The following LIX1L variants were observed in gnomAD, a reference collection of about 807,000 sequenced individuals.
LIX1L encodes the protein LIX1-like protein.
A neutral mutation model predicts 34.0 loss-of-function variants in LIX1L; 20 were observed. The observed-to-expected ratio is 0.59, with a 90% CI of 0.41 to 0.85. The LOEUF (loss-of-function observed/expected upper bound fraction) is 0.85, where lower values mean the gene tolerates loss of function less well. Among genes scored for constraint, LIX1L ranks in the 40% least tolerant of loss-of-function variants. The pLI, the probability that LIX1L is intolerant of heterozygous loss-of-function variation, is 0.00. For synonymous variants in LIX1L, 170 were observed against 187.4 expected (o/e 0.91, Z 0.76); for missense variants, 397 against 447.0 (o/e 0.89, Z 1.01).
chr1:145,947,342 G>A (rs587595384), intron 2 of LIX1L: 10 of 362,084 alleles, frequency 2.8e-5, no homozygotes, highest in East Asian at 1.3e-4. Context: ...AAGCCAGATT[G>A]GAACATGGGT....
chr1:145,944,956 A>C (rs1649047250), intron 2 of LIX1L, among the ~76,000 whole-genome samples: 1 of 151,898 alleles, frequency 6.6e-6, no homozygotes, highest in Non-Finnish European at 1.5e-5. Context: ...TGAGCCCATG[A>C]AGTTAAGGCT....
chr1:145,957,958 C>A lies in LIX1L; in HGVS notation c.-31G>T, dbSNP rs782800529. ...CCGCCAATGGAGTAGCGCCCCGGAG[C>A]CTGCCAGCCTGCCGAGCTAACGGTC... On this transcript the variant is annotated 5_prime_UTR_variant, in exon 1 of 6. Coordinates refer to ENST00000604000, the MANE Select transcript of LIX1L (RefSeq NM_153713.3). The A allele has an allele frequency of 5.0e-6, 7 of 1,387,914 alleles. No individual in the cohort carries two copies. In the Admixed American group the frequency reaches 1.2e-4, roughly 25 times the overall value. 86.0% of individuals were successfully genotyped at this position (1,387,914 alleles called of 1,614,324 possible).
Position 145,942,777 on chromosome 1 carries a change from G to A in LIX1L, c.533C>T (p.Pro178Leu). ...GAACTCATCAGTGATTCTTCGGGAA[G>A]GATGTTCATTAAACACAGAATTCAT... is the stretch of plus-strand genomic sequence containing the variant. ...ALMNSVFNEH[P>L]SRRITDEFIE... Residue 178 changes from proline to leucine, a missense_variant, in exon 3 of 6, where the codon CCT (proline) becomes CTT (leucine). Physicochemically the swap from Pro to Leu is moderately conservative, Grantham distance 98. Around this residue, in one of 3 missense-constraint regions of LIX1L, gnomAD observed 174 missense variants for 204.0 expected, o/e 0.85. Coordinates refer to ENST00000604000, the MANE Select transcript of LIX1L (RefSeq NM_153713.3). 2 of 1,614,124 alleles carry A rather than the reference G, an allele frequency of 1.2e-6. No individual in the cohort carries two copies. Among genetic ancestry groups the A allele is most frequent in the Non-Finnish European group, 8.5e-7 (1 of 1,179,954 alleles).
intron 1 of LIX1L, among the ~76,000 whole-genome samples, chr1:145,955,454 G>A (rs1050294256): frequency 3.9e-5 from 6 of 152,226 alleles, no homozygotes; most frequent in Admixed American, 2.0e-4. Context: ...AGATGATGTG[G>A]TAAAGCATTG....
chr1:145,944,076 G>T (rs914095471), intron 2 of LIX1L, among the ~76,000 whole-genome samples: 26 of 151,946 alleles, frequency 1.7e-4, no homozygotes, highest in African/African-American at 6.3e-4. Flanking sequence ...TAGACCAGGG[G>T]TTGGGCATGG....
rs1321651989 is a variant in LIX1L at position 145,934,486 on chromosome 1, G to T, written c.*1824C>A. Reference sequence around the variant, plus strand: ...CTACTAAGGAGGCTGAGGCAGGAGAGTGGCGTGAACCCGGGAGGCGGAGCT... The same window carrying T: ...CTACTAAGGAGGCTGAGGCAGGAGATTGGCGTGAACCCGGGAGGCGGAGCT... On this transcript the variant is annotated 3_prime_UTR_variant, in exon 6 of 6. Coordinates refer to ENST00000604000, the MANE Select transcript of LIX1L (RefSeq NM_153713.3). 6.6e-6 allele frequency: 1 copy of T among 150,854 alleles called. No individual in the cohort carries two copies. Among genetic ancestry groups the T allele is most frequent in the African/African-American group, 2.4e-5 (1 of 40,984 alleles). The allele number at this position is 150,854 out of a possible 1,614,324, so 9.3% of individuals were successfully genotyped here.
chr1:145,957,996 G>C lies in LIX1L; in HGVS notation c.-69C>G. ...CGAGCTAACGGTCCCAACCACCCCA[G>C]TCAGCTAGCGCCTGGGGACTCAGGG... On this transcript the variant is annotated 5_prime_UTR_variant, in exon 1 of 6. Coordinates refer to ENST00000604000, the MANE Select transcript of LIX1L (RefSeq NM_153713.3). 1.8e-6 allele frequency: 2 copies of C among 1,130,684 alleles called. No individual in the cohort carries two copies. Among genetic ancestry groups the C allele is most frequent in the East Asian group, 3.2e-5 (1 of 30,914 alleles). 70.0% of individuals were successfully genotyped at this position (1,130,684 alleles called of 1,614,324 possible).
intron 1 of LIX1L, among the ~76,000 whole-genome samples, chr1:145,956,060 T>TA (rs1217020357): frequency 1.3e-5 from 2 of 152,218 alleles, no homozygotes; most frequent in Admixed American, 1.3e-4. Context: ...GATCTTGACT[T>TA]AGAGACTTGA....
At chr1:145,938,137 C>A (rs587767658) in intron 3 of LIX1L, among the ~76,000 whole-genome samples, 8 of 150,040 alleles carry the variant, frequency 5.3e-5, no homozygotes, top group South Asian at 4.2e-4. Flanking sequence ...AAAAAAAAAA[C>A]AAGTAAAATT....
At chr1:145,949,050 A>G (rs1649199825) in intron 1 of LIX1L, 1 of 152,208 alleles carries the variant, frequency 6.6e-6, no homozygotes, top group Admixed American at 6.5e-5. Context: ...CTTTGTCTCT[A>G]AATCTCAAAG....
At chr1:145,950,954 T>C (rs1649278208) in intron 1 of LIX1L, among the ~76,000 whole-genome samples, 1 of 152,252 alleles carries the variant, frequency 6.6e-6, no homozygotes, top group Admixed American at 6.5e-5. Context: ...GGCTGTCATA[T>C]ACACGTTAGC....
chr1:145,950,781 G>C (rs985208353), intron 1 of LIX1L, among the ~76,000 whole-genome samples: 1 of 152,348 alleles, frequency 6.6e-6, no homozygotes, highest in South Asian at 2.1e-4. Flanking sequence ...TAGGTCATTG[G>C]CTGGGAGCAG....
At chr1:145,950,288 A>G (rs1438288886) in intron 1 of LIX1L, 2 of 152,332 alleles carry the variant, frequency 1.3e-5, no homozygotes, top group African/African-American at 4.8e-5. Flanking sequence ...TGAGCACAGC[A>G]AAGATCTCAT....
intron 4 of LIX1L, 26 bp from the exon 5 acceptor site, chr1:145,937,011 A>G: frequency 1.3e-6 from 2 of 1,524,756 alleles, no homozygotes; most frequent in Non-Finnish European, 1.8e-6. Flanking sequence ...AGGAAGTACC[A>G]GGACAGTGAT....
intron 2 of LIX1L, among the ~76,000 whole-genome samples, chr1:145,944,009 T>A (rs980437746): frequency 2.6e-5 from 4 of 152,062 alleles, no homozygotes; most frequent in Middle Eastern, 3.4e-3. Flanking sequence ...ACCACTACAC[T>A]GCAGCCTGGG....
intron 5 of LIX1L, 169 bp from the exon 6 acceptor site, chr1:145,936,721 A>T: frequency 1.2e-6 from 1 of 851,846 alleles, no homozygotes; most frequent in Non-Finnish European, 1.9e-6. Flanking sequence ...AGCAAGATAG[A>T]CAAAAGAATC....
At chr1:145,937,840 A>AG in intron 3 of LIX1L, 141 bp from the exon 4 acceptor site, 1 of 616,934 alleles carries the variant, frequency 1.6e-6, no homozygotes, top group South Asian at 1.9e-5. Flanking sequence ...AAAAATAAAG[A>AG]GGTAAGTCCA....
chr1:145,953,321 G>A (rs1039602558), intron 1 of LIX1L, among the ~76,000 whole-genome samples: 2 of 152,112 alleles, frequency 1.3e-5, no homozygotes, highest in African/African-American at 2.4e-5. Flanking sequence ...AAAGAAAAAA[G>A]TAATAAATAC....
intron 1 of LIX1L, among the ~76,000 whole-genome samples, chr1:145,956,591 C>T (rs1471349157): frequency 6.6e-6 from 1 of 152,028 alleles, no homozygotes; most frequent in Non-Finnish European, 1.5e-5. Flanking sequence ...ACAGAAAAGC[C>T]CTGTAACTTT....
Sources: gnomAD v4.1 joint callset for allele counts (sites outside exome capture counted in the v4.1 genomes callset) on GRCh38, gnomAD v4.1.1 for gene constraint, gnomAD v4.1.1 regional missense constraint, MANE v1.5 for transcripts, NCBI Gene and HGNC (gene_info 2026-07-23, HGNC 2026-07-21) for gene names.